Variants in PFKP observed in about 807,000 individuals in gnomAD.
PFKP encodes the protein ATP-dependent 6-phosphofructokinase, platelet type.
PFKP carries 101 observed loss-of-function variants against 94.3 expected under a neutral mutation model. That is an observed-to-expected ratio of 1.07 (90% CI 0.91 to 1.26). The LOEUF is 1.26. Ranked by LOEUF, PFKP falls within the 50% of genes most tolerant of loss-of-function variation. The probability of loss-of-function intolerance (pLI) is 0.00; values close to 1 mark genes in which losing one functional copy is unlikely to be tolerated. For missense variants in PFKP, 1,145 were observed against 1,103.3 expected (o/e 1.04, Z -0.53); for synonymous variants, 573 against 432.6 (o/e 1.32, Z -4.03).
Position 3,082,421 on chromosome 10 carries a change from T to C in PFKP, c.146T>C (p.Met49Thr), listed in dbSNP as rs562726501. The C allele has an allele frequency of 6.2e-7, 1 of 1,608,682 alleles. No homozygotes were observed. Among genetic ancestry groups the C allele is most frequent in the East Asian group, 2.2e-5 (1 of 44,600 alleles). Reference sequence around the variant, plus strand: ...GCTGCCGTCCGTGCCGTGGTGCGCATGGGTATCTACGTGGGGGCCAAGGTG... The same window carrying C: ...GCTGCCGTCCGTGCCGTGGTGCGCACGGGTATCTACGTGGGGGCCAAGGTG... ...MNAAVRAVVRMGIYVGAKVYF... is the reference protein window; with the variant it reads ...MNAAVRAVVRTGIYVGAKVYF... Residue 49 changes from methionine (M) to threonine (T), a missense_variant, in exon 2 of 22, where the codon ATG (methionine) becomes ACG (threonine). Physicochemically the swap from Met to Thr is moderately conservative, Grantham distance 81. This residue lies in a region of PFKP where 1,119 missense variants were observed against 1,062.8 expected (regional missense o/e 1.05). Coordinates refer to ENST00000381125, the MANE Select transcript of PFKP (RefSeq NM_002627.5).
intron 20 of PFKP, 80 bp from the exon 21 acceptor site, chr10:3,135,656 C>G: frequency 1.2e-6 from 1 of 848,976 alleles, no homozygotes; most frequent in Non-Finnish European, 1.9e-6. Context: ...AATCTCAGTT[C>G]TCATCTCGCC....
At chr10:3,123,277 C>T (rs1837606530) in intron 16 of PFKP, among the ~76,000 whole-genome samples, 1 of 152,208 alleles carries the variant, frequency 6.6e-6, no homozygotes, top group Non-Finnish European at 1.5e-5. Context: ...AAGCTGCTGC[C>T]ACGCTGCCGT....
At chr10:3,116,582 T>G (rs1020447699) in intron 13 of PFKP, among the ~76,000 whole-genome samples, 194 bp from the exon 14 acceptor site, 5 of 152,186 alleles carry the variant, frequency 3.3e-5, no homozygotes, top group African/African-American at 1.2e-4. Flanking sequence ...CTGCTGCTCT[T>G]CATGAGTTGT....
At chr10:3,084,671 A>G (rs1833346473) in intron 2 of PFKP, among the ~76,000 whole-genome samples, 1 of 147,126 alleles carries the variant, frequency 6.8e-6, no homozygotes, top group Non-Finnish European at 1.5e-5. Context: ...TGGAATGAGC[A>G]CAGTAGACGC....
chr10:3,081,051 A>G (rs1281330948), intron 1 of PFKP, among the ~76,000 whole-genome samples: 2 of 152,184 alleles, frequency 1.3e-5, no homozygotes, highest in Admixed American at 6.5e-5. Context: ...TTTGTGTTAT[A>G]AGCTAGGTTT....
chr10:3,131,515 G>T (rs1838586158), intron 17 of PFKP, among the ~76,000 whole-genome samples: 1 of 152,148 alleles, frequency 6.6e-6, no homozygotes, highest in Admixed American at 6.5e-5. Flanking sequence ...GGAGTGTAGT[G>T]GCACAATCTC....
intron 7 of PFKP, among the ~76,000 whole-genome samples, chr10:3,106,469 C>A (rs559528914): frequency 1.3e-4 from 19 of 151,760 alleles, no homozygotes; most frequent in African/African-American, 4.6e-4. Context: ...GAACCCCTGT[C>A]AATCACACCA....
At chr10:3,122,873 A>C (rs998045938) in intron 16 of PFKP, among the ~76,000 whole-genome samples, 1 of 152,220 alleles carries the variant, frequency 6.6e-6, no homozygotes, top group African/African-American at 2.4e-5. Flanking sequence ...GGATGCTCCC[A>C]GCATCTGGGG....
rs187594572 is a variant in PFKP, at chr10:3,125,847, G to T, written c.1684-3972G>T. Among the ~76,000 whole-genome samples, 548 of 152,328 alleles carry T rather than the reference G, an allele frequency of 3.6e-3. 3 individuals carry two copies. The highest frequency in any genetic ancestry group is 0.012 in the African/African-American group (519 of 41,576). On this transcript the variant is annotated intron_variant, in intron 16 of 21. Coordinates refer to ENST00000381125, the MANE Select transcript of PFKP (RefSeq NM_002627.5). ...GACCTACCTCTATGGTCATAAGCTGGACATGAAGACCTATGGTAGTTCCAC... is the reference window on the plus strand; with the variant it reads ...GACCTACCTCTATGGTCATAAGCTGTACATGAAGACCTATGGTAGTTCCAC...
Position 3,128,475 on chromosome 10 carries a change from G to A in PFKP, c.1684-1344G>A, listed in dbSNP as rs555664056. ...TGTGTCCCGTGGCCGCTGTGACACT[G>A]ACCACACACCTGGGGCTGGAAAATA... On this transcript the variant is annotated intron_variant, in intron 16 of 21. Transcript: ENST00000381125. 1.2e-3 allele frequency among the ~76,000 whole-genome samples: 180 copies of A among 149,134 alleles called. 1 individual carries two copies. Among genetic ancestry groups the A allele is most frequent in the Middle Eastern group, 6.8e-3 (2 of 294 alleles).
At chr10:3,103,624 C>G (rs938969113) in intron 4 of PFKP, among the ~76,000 whole-genome samples, 155 bp from the exon 5 acceptor site, 2 of 152,188 alleles carry the variant, frequency 1.3e-5, no homozygotes, top group Non-Finnish European at 2.9e-5. Flanking sequence ...GAGACCCTGT[C>G]TCAGAAAAAT....
chr10:3,086,858 T>C (rs1267607355), intron 2 of PFKP, among the ~76,000 whole-genome samples: 1 of 152,260 alleles, frequency 6.6e-6, no homozygotes, highest in East Asian at 1.9e-4. Context: ...TGTTTCCTGG[T>C]GGGATTCAGA....
Position 3,136,717 on chromosome 10 carries a change from CCAGTGCGTGCTG to C in PFKP, c.*139_*150del. On this transcript the variant is annotated 3_prime_UTR_variant, in exon 22 of 22. Coordinates refer to ENST00000381125, the MANE Select transcript of PFKP (RefSeq NM_002627.5). ...CGAGTGCCCATCTGCCCCACCTGCT[CCAGTGCGTGCTG>C]TCTGTGGAGTGTGTCTCATGCTTTC... is the stretch of plus-strand genomic sequence containing the variant. 1.3e-6 allele frequency: 1 copy of C among 765,840 alleles called. No homozygotes were observed. The highest frequency in any genetic ancestry group is 2.1e-6 in the Non-Finnish European group (1 of 472,218). The allele number at this position is 765,840 out of a possible 1,614,324, so 47.4% of individuals were successfully genotyped here.
intron 5 of PFKP, among the ~76,000 whole-genome samples, chr10:3,104,205 A>C (rs2131555660): frequency 6.6e-6 from 1 of 152,360 alleles, no homozygotes; most frequent in East Asian, 1.9e-4. Context: ...ATTATCCTCT[A>C]AATGTCCTAC....
chr10:3,082,307 ACCC>A (rs2131421682), intron 1 of PFKP, 78 bp from the exon 2 acceptor site: 3 of 988,746 alleles, frequency 3.0e-6, no homozygotes, highest in East Asian at 2.5e-5. Flanking sequence ...TAGGAAACGG[ACCC>A]ATGGTCATGG....
chr10:3,081,711 A>G (rs1002921071), intron 1 of PFKP, among the ~76,000 whole-genome samples: 1 of 152,226 alleles, frequency 6.6e-6, no homozygotes, highest in Non-Finnish European at 1.5e-5. Context: ...TAACAGACTT[A>G]TGATACATTG....
chr10:3,102,484 G>C (rs1380994125), intron 4 of PFKP, among the ~76,000 whole-genome samples: 1 of 151,736 alleles, frequency 6.6e-6, no homozygotes, highest in African/African-American at 2.4e-5. Flanking sequence ...CACGATCTCG[G>C]CTCACTGCAA....
chr10:3,069,121 G>T (rs906039646), intron 1 of PFKP: 2 of 558,572 alleles, frequency 3.6e-6, no homozygotes, highest in Non-Finnish European at 4.9e-6. Context: ...CCCCAGGCCC[G>T]CAGCGCAGCC....
chr10:3,136,770 C>T lies in PFKP; in HGVS notation c.*191C>T, dbSNP rs984562737. 1.5e-5 allele frequency: 8 copies of T among 520,552 alleles called. No individual in the cohort carries two copies. The highest frequency in any genetic ancestry group is 1.0e-4 in the East Asian group (3 of 28,674). 32.2% of individuals were successfully genotyped at this position (520,552 alleles called of 1,614,324 possible). On this transcript the variant is annotated 3_prime_UTR_variant, in exon 22 of 22. Coordinates refer to ENST00000381125, the MANE Select transcript of PFKP (RefSeq NM_002627.5). The stretch of plus-strand genomic sequence containing the variant: ...TCATGCTTTCAGATGTGCATATGAG[C>T]AGAATTAATTAAACATTTGCCTATG...
Sources: allele counts gnomAD v4.1 joint callset (sites outside exome capture counted in the v4.1 genomes callset), GRCh38; gene constraint gnomAD v4.1.1; regional missense constraint gnomAD v4.1.1; transcripts MANE v1.5; gene names NCBI Gene and HGNC (gene_info 2026-07-23, HGNC 2026-07-21).